SERPIND1: variants seen among roughly 807,000 people sequenced by gnomAD.
SERPIND1 encodes heparin cofactor 2.
In SERPIND1, 34 loss-of-function variants were observed where a neutral mutation model predicts 35.0. The ratio of observed to expected loss-of-function variants is 0.97; its 90% CI spans 0.74 to 1.29. SERPIND1 has a LOEUF of 1.29. Ranked by LOEUF, SERPIND1 falls within the 50% of genes most tolerant of loss-of-function variation. The probability of loss-of-function intolerance (pLI) is 0.00; values close to 1 mark genes in which losing one functional copy is unlikely to be tolerated. For synonymous variants in SERPIND1, 236 were observed against 241.1 expected (o/e 0.98, Z 0.19); for missense variants, 633 against 637.7 (o/e 0.99, Z 0.08).
chr22:20,779,701 A>G lies in SERPIND1; in HGVS notation c.389A>G (p.Asn130Ser). The change falls in exon 2 of 5, where the codon AAC becomes AGC. Residue 130 changes from asparagine to serine, a missense_variant. Asn to Ser is a conservative substitution (Grantham distance 46). Coordinates refer to ENST00000215727, the MANE Select transcript of SERPIND1 (RefSeq NM_000185.4). ...KSRIQRLNIL[N>S]AKFAFNLYRV... Reference sequence around the variant, plus strand: ...CGGATCCAGCGTCTTAACATCCTCAACGCCAAGTTCGCTTTCAACCTCTAC... The same window carrying G: ...CGGATCCAGCGTCTTAACATCCTCAGCGCCAAGTTCGCTTTCAACCTCTAC... 1 of 1,614,226 alleles carries G rather than the reference A, an allele frequency of 6.2e-7. No homozygotes were observed. Among genetic ancestry groups the G allele is most frequent in the African/African-American group, 1.3e-5 (1 of 75,044 alleles).
Position 20,779,597 on chromosome 22 carries a change from C to G in SERPIND1, c.285C>G (p.Ile95Met). 6.2e-7 allele frequency: 1 copy of G among 1,614,172 alleles called. No homozygotes were observed. The highest frequency in any genetic ancestry group is 8.5e-7 in the Non-Finnish European group (1 of 1,179,972). ...GTGAAGACGACGACTACATCGACATCGTCGACAGTCTGTCAGTTTCCCCGA... is the reference window on the plus strand; with the variant it reads ...GTGAAGACGACGACTACATCGACATGGTCGACAGTCTGTCAGTTTCCCCGA... ...IFSEDDDYID[I>M]VDSLSVSPTD... Residue 95 changes from isoleucine to methionine, a missense_variant, in exon 2 of 5, where the codon ATC (isoleucine) becomes ATG (methionine). Physicochemically the swap from Ile to Met is conservative, Grantham distance 10. Transcript: ENST00000215727.
In SERPIND1 at chr22:20,780,129, C is replaced by T. The variant is rs1437961176; in HGVS notation, c.817C>T (p.Leu273Phe). The change falls in exon 2 of 5, where the codon CTC becomes TTC. Residue 273 changes from leucine (L) to phenylalanine (F), a missense_variant. Coordinates refer to ENST00000215727, the MANE Select transcript of SERPIND1 (RefSeq NM_000185.4). ...NNHIMKLTKGLIKDALENIDP... is the reference protein window; with the variant it reads ...NNHIMKLTKGFIKDALENIDP... ...CCACATCATGAAGCTCACCAAGGGCCTCATAAAAGATGCTCTGGAGAATAT... is the reference window on the plus strand; with the variant it reads ...CCACATCATGAAGCTCACCAAGGGCTTCATAAAAGATGCTCTGGAGAATAT... 2 of 1,614,142 alleles carry T rather than the reference C, an allele frequency of 1.2e-6. No homozygotes were observed. Among genetic ancestry groups the T allele is most frequent in the Non-Finnish European group, 1.7e-6 (2 of 1,180,030 alleles).
intron 3 of SERPIND1, among the ~76,000 whole-genome samples, chr22:20,785,441 C>G (rs148460560): frequency 6.9e-4 from 105 of 152,280 alleles, no homozygotes; most frequent in African/African-American, 2.5e-3. Flanking sequence ...GAAGATCAAG[C>G]CTTCCTGCCC....
intron 4 of SERPIND1, 118 bp from the exon 5 acceptor site, chr22:20,786,757 G>A: frequency 3.8e-6 from 4 of 1,054,798 alleles, no homozygotes; most frequent in Non-Finnish European, 5.8e-6. Context: ...GACCAGCTGT[G>A]ATTTCCACCT....
intron 1 of SERPIND1, among the ~76,000 whole-genome samples, chr22:20,776,718 T>C (rs983711980): frequency 6.6e-6 from 1 of 152,110 alleles, no homozygotes; most frequent in Non-Finnish European, 1.5e-5. Flanking sequence ...CTGCCACTTA[T>C]TAGTGACAGT....
intron 1 of SERPIND1, among the ~76,000 whole-genome samples, chr22:20,777,087 T>A (rs1933353940): frequency 6.6e-6 from 1 of 151,910 alleles, no homozygotes; most frequent in Non-Finnish European, 1.5e-5. Context: ...ACTCACTCTA[T>A]CCCCCAGGTT....
rs1436702764 is a variant in SERPIND1 at position 20,779,777 on chromosome 22, C to T, written c.465C>T (p.Pro155=). Residue 155 remains proline (P), a synonymous_variant, in exon 2 of 5, where the codon CCC becomes CCT. Coordinates refer to ENST00000215727, the MANE Select transcript of SERPIND1 (RefSeq NM_000185.4). ...VNTFDNIFIA[P]VGISTAMGMI... The stretch of plus-strand genomic sequence containing the variant: ...CTTTCGATAACATCTTCATAGCACC[C>T]GTTGGCATTTCTACTGCGATGGGTA... 1.5e-5 allele frequency: 24 copies of T among 1,614,092 alleles called. No individual in the cohort carries two copies. Among genetic ancestry groups the T allele is most frequent in the African/African-American group, 4.0e-5 (3 of 74,940 alleles).
At chr22:20,774,758 C>CAAA (rs361993) in intron 1 of SERPIND1, among the ~76,000 whole-genome samples, 14 of 107,360 alleles carry the variant, frequency 1.3e-4, no homozygotes, top group Admixed American at 6.5e-4. Context: ...TAGACTCCGT[C>CAAA]AAAAAAAAAA....
chr22:20,786,690 T>A (rs1248850468), intron 4 of SERPIND1, among the ~76,000 whole-genome samples, 185 bp from the exon 5 acceptor site: 1 of 152,126 alleles, frequency 6.6e-6, no homozygotes, highest in Non-Finnish European at 1.5e-5. Flanking sequence ...CTAGCCGGCC[T>A]CTAAGTGCAA....
chr22:20,776,579 G>T (rs1933301502), intron 1 of SERPIND1, among the ~76,000 whole-genome samples: 1 of 152,168 alleles, frequency 6.6e-6, no homozygotes, highest in Non-Finnish European at 1.5e-5. Flanking sequence ...GACTGGCACT[G>T]GGAAAACAGC....
chr22:20,785,484 T>C (rs1013814433), intron 3 of SERPIND1, among the ~76,000 whole-genome samples: 3 of 152,206 alleles, frequency 2.0e-5, no homozygotes, highest in African/African-American at 7.2e-5. Flanking sequence ...AATCTCTTTA[T>C]CCCCTGCAAA....
At chr22:20,780,381 T>A (rs984244486) in intron 2 of SERPIND1, among the ~76,000 whole-genome samples, 180 bp downstream of exon 2, 1 of 152,212 alleles carries the variant, frequency 6.6e-6, no homozygotes, top group Non-Finnish European at 1.5e-5. Context: ...ATCTGACACT[T>A]ACTGAGCCCT....
intron 1 of SERPIND1, among the ~76,000 whole-genome samples, chr22:20,778,625 C>T (rs1933496285): frequency 6.6e-6 from 1 of 152,182 alleles, no homozygotes; most frequent in Non-Finnish European, 1.5e-5. Flanking sequence ...AAGCCTGGCC[C>T]ATGGACATTT....
At chr22:20,786,670 G>C (rs538492371) in intron 4 of SERPIND1, among the ~76,000 whole-genome samples, 36 of 152,264 alleles carry the variant, frequency 2.4e-4, no homozygotes, top group African/African-American at 8.7e-4. Context: ...TGCCAAGAGG[G>C]AACATGAACC....
intron 3 of SERPIND1, among the ~76,000 whole-genome samples, chr22:20,785,399 G>A (rs1392853664): frequency 6.6e-6 from 1 of 152,090 alleles, no homozygotes; most frequent in Non-Finnish European, 1.5e-5. Context: ...GATCTTACTT[G>A]GTGCAAGGTA....
intron 2 of SERPIND1, among the ~76,000 whole-genome samples, chr22:20,783,192 G>A (rs1933931953): frequency 2.0e-5 from 3 of 152,220 alleles, no homozygotes; most frequent in Middle Eastern, 3.4e-3. Flanking sequence ...CTTATTCCTG[G>A]ATACACAGCA....
At position 20,786,038 on chromosome 22, in the gene SERPIND1, G is replaced by C; in HGVS notation, c.1198G>C (p.Glu400Gln). The C allele has an allele frequency of 6.2e-7, 1 of 1,614,144 alleles. No individual in the cohort carries two copies. The highest frequency in any genetic ancestry group is 8.5e-7 in the Non-Finnish European group (1 of 1,180,036). Residue 400 changes from glutamate to glutamine, a missense_variant, in exon 4 of 5, where the codon GAG (glutamate) becomes CAG (glutamine). By Grantham distance (29) the Glu-to-Gln change is conservative. Transcript: ENST00000215727. ...AGTGCTTCTGCCGAAATTCAAGCTG[G>C]AGAAGAACTACAATCTAGTGGAGTC... ...REVLLPKFKL[E>Q]KNYNLVESLK...
chr22:20,779,216 C>T, intron 1 of SERPIND1, 81 bp from the exon 2 acceptor site: 1 of 1,603,538 alleles, frequency 6.2e-7, no homozygotes, highest in Non-Finnish European at 8.5e-7. Flanking sequence ...GTCAAAGCCA[C>T]AGGGAACCTG....
rs1244510106 is a variant in SERPIND1 at position 20,780,920 on chromosome 22, A to G, written c.889+719A>G. 2.0e-5 allele frequency among the ~76,000 whole-genome samples: 3 copies of G among 152,310 alleles called. No individual in the cohort carries two copies. In the East Asian group the frequency reaches 5.8e-4, roughly 29 times the overall value. On this transcript the variant is annotated intron_variant, in intron 2 of 4. Coordinates refer to ENST00000215727, the MANE Select transcript of SERPIND1 (RefSeq NM_000185.4). ...ACAAAAACTGTTTTAGCATTTGGCCAGCCTGGATTTGAGTTTTCTCTTTTC... is the reference window on the plus strand; with the variant it reads ...ACAAAAACTGTTTTAGCATTTGGCCGGCCTGGATTTGAGTTTTCTCTTTTC...
Sources: allele counts gnomAD v4.1 joint callset (sites outside exome capture counted in the v4.1 genomes callset), GRCh38; gene constraint gnomAD v4.1.1; transcripts MANE v1.5; gene names NCBI Gene and HGNC (gene_info 2026-07-23, HGNC 2026-07-21).